The following CCN3 variants were observed in gnomAD, a reference collection of about 807,000 sequenced individuals.
CCN3 encodes cellular communication network factor 3, also known as CCN family member 3.
A neutral mutation model predicts 33.4 loss-of-function variants in CCN3; 20 were observed. That is an observed-to-expected ratio of 0.60 (90% CI 0.42 to 0.87). CCN3 has a LOEUF of 0.87. CCN3 is among the 40% of genes least tolerant of loss of function. CCN3 has a pLI of 0.00. For missense variants in CCN3, 465 were observed against 455.3 expected (o/e 1.02, Z -0.19); for synonymous variants, 205 against 170.4 (o/e 1.20, Z -1.58).
In CCN3 at chr8:119,423,765, A is replaced by G. The variant is rs1237112170; in HGVS notation, c.*633A>G. On this transcript the variant is annotated 3_prime_UTR_variant, in exon 5 of 5. Transcript: ENST00000259526. ...TTTACTAAGTGGACTGGTGTCATAAACTTTCTCCATTTAAGACACATTGAC... is the reference window on the plus strand; with the variant it reads ...TTTACTAAGTGGACTGGTGTCATAAGCTTTCTCCATTTAAGACACATTGAC... 1 of 152,234 alleles carries G rather than the reference A, an allele frequency of 6.6e-6. No homozygotes were observed. Among genetic ancestry groups the G allele is most frequent in the Non-Finnish European group, 1.5e-5 (1 of 68,040 alleles). 9.4% of individuals were successfully genotyped at this position (152,234 alleles called of 1,614,324 possible). A position where few individuals can be genotyped will look rare whatever the true frequency, so the allele number is the denominator to read the frequency against.
At chr8:119,422,795 A>C in intron 4 of CCN3, 41 bp from the exon 5 acceptor site, 1 of 1,511,296 alleles carries the variant, frequency 6.6e-7, no homozygotes, top group Non-Finnish European at 9.0e-7. Context: ...CCTCAGGGGA[A>C]TGGTAGCCAT....
rs770175066 is a variant in CCN3, at chr8:119,421,011, C to CTTTTTTTTTTTTTTTTT, written c.777+1675_777+1691dup. Among the ~76,000 whole-genome samples, 4 of 75,016 alleles carry CTTTTTTTTTTTTTTTTT rather than the reference C, an allele frequency of 5.3e-5. 1 individual carries two copies. Among genetic ancestry groups the CTTTTTTTTTTTTTTTTT allele is most frequent in the African/African-American group, 2.2e-4 (4 of 18,084 alleles). 49.2% of individuals were successfully genotyped at this position (75,016 alleles called of 152,430 possible). A position where few individuals can be genotyped will look rare whatever the true frequency, so the allele number is the denominator to read the frequency against. On this transcript the variant is annotated intron_variant, in intron 4 of 4. Transcript: ENST00000259526. ...GATTCTTAAATCTAAGACAGTGGTT[C>CTTTTTTTTTTTTTTTTT]TTTTTTTTTTTTTTTTTTTTTTTTT...
chr8:119,417,197 A>T (rs955143713), intron 2 of CCN3: 1 of 521,980 alleles, frequency 1.9e-6, no homozygotes, highest in Admixed American at 3.7e-5. Context: ...GGTGAAAGGC[A>T]TTCCTCACTT....
Position 119,418,055 on chromosome 8 carries a change from T to A in CCN3, c.311-3T>A. 6.2e-7 allele frequency: 1 copy of A among 1,607,352 alleles called. No individual in the cohort carries two copies. The highest frequency in any genetic ancestry group is 1.7e-4 in the Middle Eastern group (1 of 6,028). The stretch of plus-strand genomic sequence containing the variant: ...TTTTCACTTTGCTTCCCCAATATTC[T>A]AGCGGTAGAGGGAGATAACTGTGTG... On this transcript the variant is annotated splice_region_variant and splice_polypyrimidine_tract_variant and intron_variant, in intron 2 of 4. Coordinates refer to ENST00000259526, the MANE Select transcript of CCN3 (RefSeq NM_002514.4).
chr8:119,418,292 G>A lies in CCN3; in HGVS notation c.545G>A (p.Gly182Glu), dbSNP rs764836128. Residue 182 changes from glycine (G) to glutamate (E), a missense_variant, in exon 3 of 5, where the codon GGA becomes GAA. Gly to Glu is a moderately conservative substitution (Grantham distance 98, BLOSUM62 -2). Transcript: ENST00000259526. ...ICGPDEEDSLGGLTLAAYRPE... is the reference protein window; with the variant it reads ...ICGPDEEDSLEGLTLAAYRPE... ...GGCCCAGATGAGGAGGATTCACTGG[G>A]AGGCCTTACCCTTGCAGGTGAGAAA... is the stretch of plus-strand genomic sequence containing the variant. 6.2e-6 allele frequency: 10 copies of A among 1,613,964 alleles called. No homozygotes were observed. The highest frequency in any genetic ancestry group is 5.0e-5 in the Admixed American group (3 of 60,006).
rs913932337 is a variant in CCN3, at chr8:119,418,137, G to A, written c.390G>A (p.Gln130=). The part of the protein sequence containing the change: ...GEKFQPSCKF[Q]CTCRDGQIGC... Reference sequence around the variant, plus strand: ...AATTTCAGCCAAGCTGCAAATTCCAGTGCACCTGCAGAGATGGGCAGATTG... The same window carrying A: ...AATTTCAGCCAAGCTGCAAATTCCAATGCACCTGCAGAGATGGGCAGATTG... Residue 130 remains glutamine, a synonymous_variant, in exon 3 of 5, where the codon CAG becomes CAA. Coordinates refer to ENST00000259526, the MANE Select transcript of CCN3 (RefSeq NM_002514.4). 8.1e-6 allele frequency: 13 copies of A among 1,614,104 alleles called. No individual in the cohort carries two copies. The highest frequency in any genetic ancestry group is 1.1e-5 in the Non-Finnish European group (13 of 1,180,044).
rs913095251 is a variant in CCN3 at position 119,423,832 on chromosome 8, C to T, written c.*700C>T. ...GAAACTAAACAGAAAACTCCCAATA[C>T]AAAGATGACTGGTCCCTCATAGCCC... is the stretch of plus-strand genomic sequence containing the variant. On this transcript the variant is annotated 3_prime_UTR_variant, in exon 5 of 5. Transcript: ENST00000259526. The T allele has an allele frequency of 6.6e-6, 1 of 152,184 alleles. No individual in the cohort carries two copies. Among genetic ancestry groups the T allele is most frequent in the Non-Finnish European group, 1.5e-5 (1 of 68,024 alleles). The allele number at this position is 152,184 out of a possible 1,614,324, so 9.4% of individuals were successfully genotyped here.
At chr8:119,417,987 T>A in intron 2 of CCN3, 71 bp from the exon 3 acceptor site, 1 of 1,477,270 alleles carries the variant, frequency 6.8e-7, no homozygotes, top group Non-Finnish European at 9.3e-7. Flanking sequence ...CTTACATAGC[T>A]TCTTCACTGT....
chr8:119,422,701 A>G (rs1271989428), intron 4 of CCN3, 135 bp from the exon 5 acceptor site: 2 of 768,292 alleles, frequency 2.6e-6, no homozygotes, highest in Non-Finnish European at 4.2e-6. Context: ...TGCTCAAGCA[A>G]AATTAATGTT....
At position 119,418,212 on chromosome 8, in the gene CCN3, C is replaced by G; in HGVS notation, c.465C>G (p.Cys155Trp). ...ATGTGCTACTGCCTGAGCCTAACTG[C>G]CCAGCTCCAAGAAAAGTTGAGGTGC... ...QLDVLLPEPN[C>W]PAPRKVEVPG... The change falls in exon 3 of 5, where the codon TGC becomes TGG. Residue 155 changes from cysteine (C) to tryptophan (W), a missense_variant. Physicochemically the swap from Cys to Trp is radical, Grantham distance 215 (BLOSUM62 -2). Coordinates refer to ENST00000259526, the MANE Select transcript of CCN3 (RefSeq NM_002514.4). 6.2e-7 allele frequency: 1 copy of G among 1,614,168 alleles called. No individual in the cohort carries two copies. The highest frequency in any genetic ancestry group is 8.5e-7 in the Non-Finnish European group (1 of 1,180,042).
chr8:119,417,167 G>A, intron 2 of CCN3, 198 bp downstream of exon 2: 1 of 564,084 alleles, frequency 1.8e-6, no homozygotes, highest in Non-Finnish European at 3.1e-6. Context: ...GCCAGAGCCA[G>A]AAAGGAAACC....
chr8:119,418,249 T>C lies in CCN3; in HGVS notation c.502T>C (p.Cys168Arg). The C allele has an allele frequency of 6.2e-7, 1 of 1,614,200 alleles. No homozygotes were observed. Among genetic ancestry groups the C allele is most frequent in the Non-Finnish European group, 8.5e-7 (1 of 1,180,038 alleles). ...PRKVEVPGEC[C>R]EKWICGPDEE... is the part of the protein sequence containing the mutation. ...AAAAGTTGAGGTGCCTGGAGAGTGC[T>C]GTGAAAAGTGGATCTGTGGCCCAGA... Residue 168 changes from cysteine to arginine, a missense_variant, in exon 3 of 5, where the codon TGT becomes CGT. Transcript: ENST00000259526.
In CCN3 at chr8:119,421,489, G is replaced by A. The variant is rs189347202; in HGVS notation, c.778-1347G>A. Among the ~76,000 whole-genome samples, 15 of 152,276 alleles carry A rather than the reference G, an allele frequency of 9.9e-5. No homozygotes were observed. In the East Asian group the frequency reaches 1.5e-3, roughly 16 times the overall value. On this transcript the variant is annotated intron_variant, in intron 4 of 4. Transcript: ENST00000259526. The stretch of plus-strand genomic sequence containing the variant: ...TTTTGATGTGCACTGAAGTTTGAGA[G>A]CCACTGATTTAAGATAATTCCAAGT...
Position 119,416,736 on chromosome 8 carries a change from G to A in CCN3, c.85-8G>A. ...TGAGTGGTTTCTCCTTGTCTCGCCTGCCTTCAGGTCGCTGCGACTCAGCGC... is the reference window on the plus strand; with the variant it reads ...TGAGTGGTTTCTCCTTGTCTCGCCTACCTTCAGGTCGCTGCGACTCAGCGC... On this transcript the variant is annotated splice_polypyrimidine_tract_variant and splice_region_variant and intron_variant, in intron 1 of 4. Coordinates refer to ENST00000259526, the MANE Select transcript of CCN3 (RefSeq NM_002514.4). 6.3e-7 allele frequency: 1 copy of A among 1,581,968 alleles called. No individual in the cohort carries two copies. The highest frequency in any genetic ancestry group is 1.1e-5 in the South Asian group (1 of 87,534).
chr8:119,420,573 G>A (rs1820109410), intron 4 of CCN3, among the ~76,000 whole-genome samples: 1 of 152,122 alleles, frequency 6.6e-6, no homozygotes. Flanking sequence ...CCTAGGAGAT[G>A]CACTTCCCCA....
intron 4 of CCN3, 140 bp downstream of exon 4, chr8:119,419,485 G>A (rs971979026): frequency 1.3e-6 from 1 of 766,704 alleles, no homozygotes; most frequent in East Asian, 2.7e-5. Context: ...AAAGGCAGTG[G>A]GGTTCTTGAA....
rs74605017 is a variant in CCN3 at position 119,422,536 on chromosome 8, T to G, written c.778-300T>G. Among the ~76,000 whole-genome samples, 473 of 152,244 alleles carry G rather than the reference T, an allele frequency of 3.1e-3. 3 individuals carry two copies. The highest frequency in any genetic ancestry group is 0.011 in the African/African-American group (437 of 41,550). ...GTACAATTAGGCAAGGTGTTTACAT[T>G]CCAGGAAGAAAGGAAAATGAATACA... On this transcript the variant is annotated intron_variant, in intron 4 of 4. Coordinates refer to ENST00000259526, the MANE Select transcript of CCN3 (RefSeq NM_002514.4).
At chr8:119,418,361 CAT>C (rs1201266402) in intron 3 of CCN3, 52 bp downstream of exon 3, 2 of 1,569,848 alleles carry the variant, frequency 1.3e-6, no homozygotes, top group South Asian at 2.3e-5. Flanking sequence ...TAAATACAAA[CAT>C]GAAGAATTTG....
At chr8:119,417,906 C>T (rs1407184764) in intron 2 of CCN3, 152 bp from the exon 3 acceptor site, 3 of 729,226 alleles carry the variant, frequency 4.1e-6, no homozygotes, top group Non-Finnish European at 4.7e-6. Flanking sequence ...CATCACTCTA[C>T]AGTAGATACA....
Sources: allele counts gnomAD v4.1 joint callset (sites outside exome capture counted in the v4.1 genomes callset), GRCh38; gene constraint gnomAD v4.1.1; transcripts MANE v1.5; gene names NCBI Gene and HGNC (gene_info 2026-07-23, HGNC 2026-07-21).